SULT4A1: variants seen among roughly 807,000 people sequenced by gnomAD.
The protein encoded by SULT4A1 is sulfotransferase family 4A member 1, also known as sulfotransferase 4A1.
A neutral mutation model predicts 35.2 loss-of-function variants in SULT4A1; 11 were observed. The observed-to-expected ratio is 0.31, with a 90% CI of 0.20 to 0.52. SULT4A1 has a LOEUF of 0.52. Ranked by LOEUF, SULT4A1 falls within the 20% of genes least tolerant of loss-of-function variation. The probability of loss-of-function intolerance (pLI) is 0.97; values close to 1 mark genes in which losing one functional copy is unlikely to be tolerated. For synonymous variants in SULT4A1, 152 were observed against 151.8 expected (o/e 1.00, Z -0.01); for missense variants, 271 against 383.7 (o/e 0.71, Z 2.45).
At position 43,837,252 on chromosome 22, in the gene SULT4A1, G is replaced by A. The variant is rs377018895; in HGVS notation, c.508+1615C>T. On this transcript the variant is annotated intron_variant, in intron 4 of 6. Coordinates refer to ENST00000330884, the MANE Select transcript of SULT4A1 (RefSeq NM_014351.4). ...ACAGGGTTTGCTGGGACCAAGGCAC[G>A]TGTGTGGGACCTTGCACTCAGTGGA... Among the ~76,000 whole-genome samples, 49 of 152,354 alleles carry A rather than the reference G, an allele frequency of 3.2e-4. No homozygotes were observed. The South Asian group carries it at 5.4e-3, about 17-fold the overall frequency.
chr22:43,826,813 T>C, intron 6 of SULT4A1: 5 of 985,388 alleles, frequency 5.1e-6, no homozygotes, highest in Non-Finnish European at 6.0e-6. Flanking sequence ...CAGTGAGAAT[T>C]CCCTGAGTCA....
chr22:43,856,382 G>A (rs2049400954), intron 1 of SULT4A1, among the ~76,000 whole-genome samples: 1 of 152,066 alleles, frequency 6.6e-6, no homozygotes. Flanking sequence ...GCTACAGAAG[G>A]GACATGAAAC....
intron 4 of SULT4A1, among the ~76,000 whole-genome samples, chr22:43,833,938 A>T (rs1426882597): frequency 6.6e-6 from 1 of 152,180 alleles, no homozygotes; most frequent in African/African-American, 2.4e-5. Flanking sequence ...GCACGCCTTG[A>T]AGGCCTGACC....
At chr22:43,854,578 C>G (rs1054848821) in intron 1 of SULT4A1, among the ~76,000 whole-genome samples, 1 of 152,214 alleles carries the variant, frequency 6.6e-6, no homozygotes, top group Non-Finnish European at 1.5e-5. Context: ...TCACCTGCAG[C>G]GCTGGTGAGG....
In SULT4A1 at chr22:43,833,669, G is replaced by A. The variant is rs930677322; in HGVS notation, c.574C>T (p.Leu192Phe). ...FWEHRMDSNV[L>F]FLKYEDMHRD... ...TGCATGTCTTCATACTTGAGAAAAA[G>A]CACGTTCGAGTCCATGCGGTGCTCC... The change falls in exon 5 of 7, where the codon CTT becomes TTT. Residue 192 changes from leucine to phenylalanine, a missense_variant. Leu to Phe is a conservative substitution (Grantham distance 22). This residue lies in a region of SULT4A1 where 75 missense variants were observed against 67.7 expected (regional missense o/e 1.11). Coordinates refer to ENST00000330884, the MANE Select transcript of SULT4A1 (RefSeq NM_014351.4). The A allele has an allele frequency of 6.3e-7, 1 of 1,595,478 alleles. No individual in the cohort carries two copies. The highest frequency in any genetic ancestry group is 8.5e-7 in the Non-Finnish European group (1 of 1,170,842).
chr22:43,858,941 C>T (rs1029503957), intron 1 of SULT4A1, among the ~76,000 whole-genome samples: 1 of 152,180 alleles, frequency 6.6e-6, no homozygotes, highest in Admixed American at 6.5e-5. Context: ...ATGCAGTCTC[C>T]CGAGATCCTC....
In SULT4A1 at chr22:43,825,102, T is replaced by A. The variant is rs764468769; in HGVS notation, c.*899A>T. Reference sequence around the variant, plus strand: ...AAACTGAATGATAAAGACCCGGGGATTTTAGAAATTTACTATTAAGCATCT... The same window carrying A: ...AAACTGAATGATAAAGACCCGGGGAATTTAGAAATTTACTATTAAGCATCT... On this transcript the variant is annotated 3_prime_UTR_variant, in exon 7 of 7. Transcript: ENST00000330884. 1 of 152,126 alleles carries A rather than the reference T, an allele frequency of 6.6e-6. No individual in the cohort carries two copies. The highest frequency in any genetic ancestry group is 1.5e-5 in the Non-Finnish European group (1 of 68,030). The allele number at this position is 152,126 out of a possible 1,614,324, so 9.4% of individuals were successfully genotyped here. A position where few individuals can be genotyped will look rare whatever the true frequency, so the allele number is the denominator to read the frequency against.
At chr22:43,853,516 T>C (rs988013543) in intron 1 of SULT4A1, among the ~76,000 whole-genome samples, 1 of 152,180 alleles carries the variant, frequency 6.6e-6, no homozygotes, top group Admixed American at 6.5e-5. Flanking sequence ...TCCCTCCTCC[T>C]GCTGGGGTGA....
At chr22:43,834,364 ACCGCGGCCCTGAGCTTCCCGCG>A (rs2063349973) in intron 4 of SULT4A1, among the ~76,000 whole-genome samples, 1 of 92,218 alleles carries the variant, frequency 1.1e-5, no homozygotes, top group Non-Finnish European at 2.3e-5. Flanking sequence ...CCGCGCCCCC[ACCGCGGCCCTGAGCTTCCCGCG>A]CCCCCACCGC....
intron 1 of SULT4A1, among the ~76,000 whole-genome samples, chr22:43,847,149 C>A (rs2063481888): frequency 6.6e-6 from 1 of 152,068 alleles, no homozygotes; most frequent in African/African-American, 2.4e-5. Context: ...TTTCCAGCTT[C>A]CAGGAGAATT....
At chr22:43,841,234 G>A (rs2148290094) in intron 2 of SULT4A1, among the ~76,000 whole-genome samples, 1 of 152,282 alleles carries the variant, frequency 6.6e-6, no homozygotes, top group Middle Eastern at 3.4e-3. Context: ...GGCACTCTCA[G>A]AGCATGACAC....
chr22:43,854,928 A>C (rs557338666), intron 1 of SULT4A1, among the ~76,000 whole-genome samples: 2 of 152,226 alleles, frequency 1.3e-5, no homozygotes, highest in African/African-American at 4.8e-5. Context: ...GGCGACAGTC[A>C]TGAGGACTCT....
At chr22:43,827,668 AATAAAGCAAAACCAAGGTAAACCATG>A (rs777515288) in intron 6 of SULT4A1, 420 of 1,364,964 alleles carry the variant, frequency 3.1e-4, no homozygotes, top group Non-Finnish European at 3.9e-4. Context: ...AAAGAACTGA[AATAAAGCAAAACCAAGGTAAACCATG>A]ATAAAGCAAA....
At chr22:43,860,682 A>G (rs1175445565) in intron 1 of SULT4A1, among the ~76,000 whole-genome samples, 2 of 148,948 alleles carry the variant, frequency 1.3e-5, no homozygotes, top group East Asian at 4.3e-4. Context: ...AAAGGAAAAG[A>G]AAATATGAAC....
chr22:43,848,957 A>T lies in SULT4A1; in HGVS notation c.170-7025T>A, dbSNP rs573453224. On this transcript the variant is annotated intron_variant, in intron 1 of 6. Coordinates refer to ENST00000330884, the MANE Select transcript of SULT4A1 (RefSeq NM_014351.4). ...TCTTCGCAAGTCGGCTGGAAGCAGT[A>T]ATTCACAGAAGTGCTTCTGCTGACA... Among the ~76,000 whole-genome samples, 8 of 152,344 alleles carry T rather than the reference A, an allele frequency of 5.3e-5. No individual in the cohort carries two copies. In the South Asian group the frequency reaches 1.7e-3, roughly 32 times the overall value.
intron 1 of SULT4A1, among the ~76,000 whole-genome samples, chr22:43,857,587 C>G (rs1167756613): frequency 6.6e-6 from 1 of 152,050 alleles, no homozygotes; most frequent in African/African-American, 2.4e-5. Flanking sequence ...ATCCAAGAGG[C>G]TTAGAGGAAT....
At chr22:43,848,274 C>T (rs1380749645) in intron 1 of SULT4A1, among the ~76,000 whole-genome samples, 1 of 152,190 alleles carries the variant, frequency 6.6e-6, no homozygotes. Flanking sequence ...ACAAAGTGAC[C>T]TGCTGAGGCC....
At chr22:43,851,503 C>T (rs187403978) in intron 1 of SULT4A1, among the ~76,000 whole-genome samples, 28 of 152,298 alleles carry the variant, frequency 1.8e-4, no homozygotes, top group Non-Finnish European at 3.2e-4. Flanking sequence ...GGGGGTCACA[C>T]GTGCCTGGGG....
At position 43,829,085 on chromosome 22, in the gene SULT4A1, G is replaced by T. The variant is rs778676756; in HGVS notation, c.717C>A (p.Asn239Lys). The T allele has an allele frequency of 1.3e-6, 2 of 1,545,678 alleles. No homozygotes were observed. Among genetic ancestry groups the T allele is most frequent in the South Asian group, 1.2e-5 (1 of 83,612 alleles). ...CCCGGCCCACGGGCAGGGCCTCAGC[G>T]TTGCAGCACTGGTCCACCAGCTGGT... ...HCHQLVDQCC[N>K]AEALPVGRGR... The change falls in exon 6 of 7, where the codon AAC becomes AAA. Residue 239 changes from asparagine to lysine, a missense_variant. Transcript: ENST00000330884.
Sources: allele counts gnomAD v4.1 joint callset (sites outside exome capture counted in the v4.1 genomes callset), GRCh38; gene constraint gnomAD v4.1.1; regional missense constraint gnomAD v4.1.1; transcripts MANE v1.5; gene names NCBI Gene and HGNC (gene_info 2026-07-23, HGNC 2026-07-21).